Variants in ROR1 observed in about 807,000 individuals in gnomAD.
ROR1 encodes ROR family WNT receptor 1.
Under a neutral mutation model 78.8 loss-of-function variants are expected in ROR1, and 19 were observed. The observed-to-expected ratio is 0.24, with a 90% confidence interval of 0.17 to 0.35. The LOEUF (loss-of-function observed/expected upper bound fraction) is 0.35, where lower values mean the gene tolerates loss of function less well. ROR1 is among the 10% of genes least tolerant of loss of function. The probability of loss-of-function intolerance (pLI) is 1.00; values close to 1 mark genes in which losing one functional copy is unlikely to be tolerated. For missense variants in ROR1, 917 were observed against 1,177.8 expected (o/e 0.78, Z 3.24); for synonymous variants, 386 against 433.6 (o/e 0.89, Z 1.36).
At chr1:64,002,071 T>A (rs1303277339) in intron 1 of ROR1, among the ~76,000 whole-genome samples, 2 of 151,910 alleles carry the variant, frequency 1.3e-5, no homozygotes, top group African/African-American at 4.8e-5. Flanking sequence ...CTGTTTGTGG[T>A]CATGTACTCC....
chr1:63,774,911 G>C lies in ROR1; in HGVS notation c.91+403G>C, dbSNP rs1460183248. Among the ~76,000 whole-genome samples the C allele has an allele frequency of 6.6e-6, 1 of 152,150 alleles. No homozygotes were observed. The highest frequency in any genetic ancestry group is 1.5e-5 in the Non-Finnish European group (1 of 68,026). ...AGTCTATCCTGCCCCCAAGTTGCGA[G>C]CCGGCCCGGAAGGCGCGGTCCAGGA... On this transcript the variant is annotated intron_variant, in intron 1 of 8. Transcript: ENST00000371079. This position sits in a 1 kb window ranked among gnomAD's most constrained non-coding sequence, Gnocchi z 5.7.
intron 1 of ROR1, among the ~76,000 whole-genome samples, chr1:63,863,820 T>G (rs1041143242): frequency 4.0e-5 from 6 of 150,420 alleles, no homozygotes; most frequent in Non-Finnish European, 8.8e-5. Flanking sequence ...ATGGCGATAC[T>G]TGTTCAGTTA....
intron 4 of ROR1, among the ~76,000 whole-genome samples, chr1:64,086,516 A>G (rs879261975): frequency 1.3e-5 from 2 of 152,224 alleles, no homozygotes; most frequent in Non-Finnish European, 2.9e-5. Context: ...CTAACTTCCA[A>G]TAACCATCCT....
chr1:64,069,725 A>G (rs945022036), intron 4 of ROR1, among the ~76,000 whole-genome samples: 4 of 152,238 alleles, frequency 2.6e-5, no homozygotes, highest in Admixed American at 6.5e-5. Flanking sequence ...GAAGGCAGCC[A>G]GCGCTGCAGA....
intron 1 of ROR1, among the ~76,000 whole-genome samples, chr1:63,967,221 T>G (rs1459709494): frequency 2.0e-5 from 3 of 152,222 alleles, no homozygotes; most frequent in African/African-American, 7.2e-5. Context: ...GGATAGATTC[T>G]GTATCCAATT....
At chr1:63,909,081 T>A (rs1645549292) in intron 1 of ROR1, among the ~76,000 whole-genome samples, 1 of 152,184 alleles carries the variant, frequency 6.6e-6, no homozygotes, top group South Asian at 2.1e-4. Context: ...TTTTGTGAAG[T>A]TGTGACAGCT....
chr1:64,007,956 C>CT (rs74261212), intron 1 of ROR1, among the ~76,000 whole-genome samples: 1,625 of 137,690 alleles, frequency 0.012, 16 homozygotes, highest in African/African-American at 0.027. Context: ...TGCCCTTGTT[C>CT]TTTTTTTTTT....
At chr1:64,068,271 T>C (rs1315141773) in intron 4 of ROR1, among the ~76,000 whole-genome samples, 3 of 152,206 alleles carry the variant, frequency 2.0e-5, no homozygotes, top group Non-Finnish European at 4.4e-5. Context: ...TTCCTTTTCC[T>C]GGAGCTGCAT....
intron 4 of ROR1, chr1:64,106,679 T>C (rs1647828448): frequency 6.6e-6 from 1 of 152,180 alleles, no homozygotes; most frequent in Non-Finnish European, 1.5e-5. Context: ...ATGTTGAATT[T>C]TATCAAAGGC....
At chr1:64,020,684 A>G (rs757070909) in intron 2 of ROR1, among the ~76,000 whole-genome samples, 1 of 152,168 alleles carries the variant, frequency 6.6e-6, no homozygotes, top group African/African-American at 2.4e-5. Context: ...TTGAGGGCTT[A>G]CAGCTCCACT....
At chr1:63,919,019 TA>T (rs1645632290) in intron 1 of ROR1, among the ~76,000 whole-genome samples, 2 of 152,160 alleles carry the variant, frequency 1.3e-5, no homozygotes, top group Admixed American at 6.5e-5. Flanking sequence ...TGAGATTTTC[TA>T]AAAAACTGAC....
At chr1:64,150,147 T>C (rs1464384638) in intron 7 of ROR1, among the ~76,000 whole-genome samples, 1 of 152,188 alleles carries the variant, frequency 6.6e-6, no homozygotes, top group African/African-American at 2.4e-5. Flanking sequence ...CATGCCAGCA[T>C]GTCTGTTTCT....
intron 1 of ROR1, among the ~76,000 whole-genome samples, chr1:63,916,962 C>T (rs1645613665): frequency 6.6e-6 from 1 of 152,238 alleles, no homozygotes; most frequent in Non-Finnish European, 1.5e-5. Flanking sequence ...TGTGCAGGGT[C>T]CAGCCTCAGG....
At chr1:63,860,787 AAAAG>A (rs1403028604) in intron 1 of ROR1, among the ~76,000 whole-genome samples, 1 of 151,680 alleles carries the variant, frequency 6.6e-6, no homozygotes, top group Admixed American at 6.6e-5. Context: ...AAAAAAAAAA[AAAAG>A]AAGAAGAAGA....
chr1:63,969,078 C>A (rs1016404880), intron 1 of ROR1, among the ~76,000 whole-genome samples: 2 of 152,104 alleles, frequency 1.3e-5, no homozygotes, highest in African/African-American at 2.4e-5. Flanking sequence ...CTGAAATCAT[C>A]CAGACTACTG....
chr1:63,918,623 T>C (rs1645628831), intron 1 of ROR1, among the ~76,000 whole-genome samples: 4 of 152,216 alleles, frequency 2.6e-5, no homozygotes, highest in Admixed American at 2.6e-4. Flanking sequence ...AAACTTACTA[T>C]TAAACAGGGC....
rs377219658 is a variant in ROR1, at chr1:64,178,438, G to C, written c.2397G>C (p.Gln799His). ...YMFPSQGITP[Q>H]GQIAGFIGPP... The stretch of plus-strand genomic sequence containing the variant: ...TCCCGAGCCAGGGTATTACACCACA[G>C]GGCCAGATTGCTGGTTTCATTGGCC... Residue 799 changes from glutamine (Q) to histidine (H), a missense_variant, in exon 9 of 9, where the codon CAG (glutamine) becomes CAC (histidine). Physicochemically the swap from Gln to His is conservative, Grantham distance 24. Around this residue, in one of 3 missense-constraint regions of ROR1, gnomAD observed 835 missense variants for 1,069.8 expected, o/e 0.78. Coordinates refer to ENST00000371079, the MANE Select transcript of ROR1 (RefSeq NM_005012.4). This position sits in a 1 kb window ranked among gnomAD's most constrained non-coding sequence, Gnocchi z 4.3. 1 of 1,614,026 alleles carries C rather than the reference G, an allele frequency of 6.2e-7. No homozygotes were observed. Among genetic ancestry groups the C allele is most frequent in the African/African-American group, 1.3e-5 (1 of 74,908 alleles).
chr1:63,978,940 G>A (rs897252677), intron 1 of ROR1, among the ~76,000 whole-genome samples: 6 of 152,172 alleles, frequency 3.9e-5, no homozygotes, highest in Admixed American at 1.3e-4. Context: ...CTGTCAGGCC[G>A]AAGACCTGGG....
intron 1 of ROR1, among the ~76,000 whole-genome samples, chr1:63,953,862 T>C (rs1645960858): frequency 6.6e-6 from 1 of 151,994 alleles, no homozygotes; most frequent in Non-Finnish European, 1.5e-5. Context: ...AATATGAAGG[T>C]CTTCAGCAGA....
Sources: allele counts gnomAD v4.1 joint callset (sites outside exome capture counted in the v4.1 genomes callset), GRCh38; gene constraint gnomAD v4.1.1; regional missense constraint gnomAD v4.1.1; non-coding constraint Gnocchi (gnomAD v3.1); transcripts MANE v1.5; gene names NCBI Gene and HGNC (gene_info 2026-07-23, HGNC 2026-07-21).